OR51B5: variants seen among roughly 807,000 people sequenced by gnomAD.
OR51B5 encodes the protein olfactory receptor 51B5.
For synonymous variants in OR51B5, 186 were observed against 144.8 expected (o/e 1.28, Z -2.04); for missense variants, 456 against 374.6 (o/e 1.22, Z -1.79).
intron 1 of OR51B5, among the ~76,000 whole-genome samples, chr11:5,371,493 T>C (rs1035236003): frequency 2.0e-5 from 3 of 152,044 alleles, no homozygotes; most frequent in Admixed American, 6.6e-5. Context: ...AGTACTGATA[T>C]TAAAAATAGA....
intron 1 of OR51B5, among the ~76,000 whole-genome samples, chr11:5,472,040 T>C (rs1304144949): frequency 1.3e-5 from 2 of 152,172 alleles, no homozygotes; most frequent in African/African-American, 4.8e-5. Context: ...TTTCACCATT[T>C]TATCCACCAT....
chr11:5,481,924 T>C (rs1283297054), intron 1 of OR51B5, among the ~76,000 whole-genome samples: 2 of 132,544 alleles, frequency 1.5e-5, no homozygotes, highest in Admixed American at 7.6e-5. Context: ...AAAATGGCCA[T>C]ACTGCCCAAG....
chr11:5,343,716 A>C (rs773387239), upstream of OR51B5: 81 of 488,094 alleles, frequency 1.7e-4, no homozygotes, highest in Non-Finnish European at 2.6e-4. Context: ...TCTTAACTGC[A>C]CATTCCAGGA....
At chr11:5,342,513 A>G (rs910967811), downstream of OR51B5, 53 of 1,504,580 alleles carry the variant, frequency 3.5e-5, no homozygotes, top group African/African-American at 5.6e-4. Flanking sequence ...CATGCTAGAT[A>G]TGAGACTTCT....
intron 1 of OR51B5, chr11:5,440,450 A>T: frequency 1.6e-6 from 1 of 631,252 alleles, no homozygotes; most frequent in East Asian, 2.7e-5. Context: ...TTATTTTATT[A>T]GTGATACATT....
intron 1 of OR51B5, among the ~76,000 whole-genome samples, chr11:5,449,060 G>T (rs902178323): frequency 1.3e-5 from 2 of 152,212 alleles, no homozygotes; most frequent in Non-Finnish European, 2.9e-5. Context: ...CTCTTAGGAG[G>T]TAATGAGCTC....
chr11:5,377,548 A>G (rs1411465239), intron 1 of OR51B5, among the ~76,000 whole-genome samples: 7 of 152,100 alleles, frequency 4.6e-5, no homozygotes, highest in Non-Finnish European at 1.0e-4. Context: ...ACATGATTGT[A>G]TATCTAGAAA....
intron 1 of OR51B5, chr11:5,441,113 A>G (rs1027735957): frequency 8.1e-6 from 13 of 1,613,916 alleles, no homozygotes; most frequent in Middle Eastern, 1.6e-4. Context: ...GCACAGTGAC[A>G]TAGCGTAATG....
intron 1 of OR51B5, chr11:5,355,478 C>G (rs1849178440): frequency 1.3e-5 from 2 of 152,732 alleles, no homozygotes; most frequent in African/African-American, 4.8e-5. Context: ...TCCTCATGGC[C>G]TAGGGAGCTT....
At chr11:5,361,771 A>G (rs1427970993) in intron 1 of OR51B5, among the ~76,000 whole-genome samples, 1 of 152,012 alleles carries the variant, frequency 6.6e-6, no homozygotes, top group Non-Finnish European at 1.5e-5. Context: ...GAAAAAATCA[A>G]GTTGAAAATC....
chr11:5,444,255 G>A (rs1462435253), intron 1 of OR51B5, among the ~76,000 whole-genome samples: 2 of 151,942 alleles, frequency 1.3e-5, no homozygotes, highest in African/African-American at 2.4e-5. Flanking sequence ...TCAGTCATTT[G>A]GTTCTGTAAC....
At chr11:5,368,296 G>T (rs983148475) in intron 1 of OR51B5, among the ~76,000 whole-genome samples, 2 of 152,116 alleles carry the variant, frequency 1.3e-5, no homozygotes, top group African/African-American at 2.4e-5. Flanking sequence ...TATTGGCTGC[G>T]TACCCTATAG....
intron 1 of OR51B5, among the ~76,000 whole-genome samples, chr11:5,476,201 C>A (rs1339711525): frequency 1.3e-5 from 2 of 152,176 alleles, no homozygotes; most frequent in Non-Finnish European, 2.9e-5. Flanking sequence ...CCAGTAATAA[C>A]ATTCATGTAT....
chr11:5,419,088 A>T (rs1352949731), intron 1 of OR51B5, among the ~76,000 whole-genome samples: 1 of 152,128 alleles, frequency 6.6e-6, no homozygotes, highest in Non-Finnish European at 1.5e-5. Context: ...ACTCTCCTTC[A>T]AATTGTCTAA....
chr11:5,426,173 G>A lies in OR51B5; in HGVS notation n.85-79263C>T, dbSNP rs181262578. The stretch of plus-strand genomic sequence containing the variant: ...GAATCCTGGAAAAGGCAAAACTATA[G>A]TGAGTATGTCAATCAATGGTAGTCA... On this transcript the variant is annotated intron_variant and non_coding_transcript_variant, in intron 1 of 4. Transcript: ENST00000415970. Among the ~76,000 whole-genome samples, 3 of 152,294 alleles carry A rather than the reference G, an allele frequency of 2.0e-5. 1 individual carries two copies. Among genetic ancestry groups the A allele is most frequent in the Admixed American group, 2.0e-4 (3 of 15,298 alleles).
chr11:5,347,906 A>G (rs1263913878), upstream of OR51B5, among the ~76,000 whole-genome samples: 1 of 152,182 alleles, frequency 6.6e-6, no homozygotes, highest in Non-Finnish European at 1.5e-5. Flanking sequence ...GCAGATTCTG[A>G]AAAGATGATG....
chr11:5,379,577 T>C (rs761018340), intron 1 of OR51B5, among the ~76,000 whole-genome samples: 1 of 152,186 alleles, frequency 6.6e-6, no homozygotes, highest in Non-Finnish European at 1.5e-5. Flanking sequence ...TTTCTATGTC[T>C]GCTTTTAAGA....
chr11:5,455,568 A>AGAGAGAGAGAGAAAGAGAGAGAG (rs531763892), intron 1 of OR51B5: 1 of 135,318 alleles, frequency 7.4e-6, no homozygotes, highest in Non-Finnish European at 1.6e-5. Context: ...AAGGGGGGAG[A>AGAGAGAGAGAGAAAGAGAGAGAG]GAGAGAGAGA....
At chr11:5,436,901 G>C (rs868028609) in intron 1 of OR51B5, among the ~76,000 whole-genome samples, 1 of 151,966 alleles carries the variant, frequency 6.6e-6, no homozygotes, top group Non-Finnish European at 1.5e-5. Context: ...CAGAGGACCA[G>C]AACTCACAAT....
Sources: allele counts gnomAD v4.1 joint callset (sites outside exome capture counted in the v4.1 genomes callset), GRCh38; gene constraint gnomAD v4.1.1; transcripts MANE v1.5; gene names NCBI Gene and HGNC (gene_info 2026-07-23, HGNC 2026-07-21).